TGM2: variants seen among roughly 807,000 people sequenced by gnomAD.
The protein encoded by TGM2 is protein-glutamine gamma-glutamyltransferase 2.
TGM2 carries 53 observed loss-of-function variants against 75.6 expected under a neutral mutation model. The observed-to-expected ratio is 0.70, with a 90% CI of 0.56 to 0.88. The LOEUF (loss-of-function observed/expected upper bound fraction) is 0.88. TGM2 is among the 40% of genes least tolerant of loss of function. The pLI, the probability that TGM2 is intolerant of heterozygous loss-of-function variation, is 0.00. For synonymous variants in TGM2, 374 were observed against 381.1 expected, an observed-to-expected ratio of 0.98 and a Z score of 0.22; for missense variants, 842 against 928.5, an observed-to-expected ratio of 0.91 and a Z score of 1.21.
intron 4 of TGM2, 144 bp from the exon 5 acceptor site, chr20:38,148,233 C>G: frequency 2.9e-6 from 3 of 1,044,670 alleles, no homozygotes; most frequent in Non-Finnish European, 4.3e-6. Context: ...CCAAATCTCT[C>G]TGGTGGCAGC....
Position 38,129,824 on chromosome 20 carries a change from C to G in TGM2, c.*395G>C. 1 of 227,740 alleles carries G rather than the reference C, an allele frequency of 4.4e-6. No individual in the cohort carries two copies. Among genetic ancestry groups the G allele is most frequent in the Non-Finnish European group, 8.9e-6 (1 of 112,668 alleles). The allele number at this position is 227,740 out of a possible 1,614,324, so 14.1% of individuals were successfully genotyped here. ...AGTCTAGGGAGCTGGATTCCCTGAT[C>G]CAGCCAAGGGGCATGCTGTCCCTTT... On this transcript the variant is annotated 3_prime_UTR_variant, in exon 13 of 13. Coordinates refer to ENST00000361475, the MANE Select transcript of TGM2 (RefSeq NM_004613.4).
At chr20:38,148,721 C>A (rs555246521) in intron 4 of TGM2, among the ~76,000 whole-genome samples, 1 of 152,338 alleles carries the variant, frequency 6.6e-6, no homozygotes, top group African/African-American at 2.4e-5. Flanking sequence ...CTCACTCTGC[C>A]CAGGCTCACT....
intron 12 of TGM2, 39 bp from the exon 13 acceptor site, chr20:38,130,408 G>A (rs368358912): frequency 5.1e-6 from 8 of 1,558,270 alleles, no homozygotes; most frequent in African/African-American, 4.1e-5. Flanking sequence ...AGGGGCCCAA[G>A]GCCTGGCTCC....
intron 6 of TGM2, 38 bp downstream of exon 6, chr20:38,146,678 TC>T (rs2075048874): frequency 6.2e-7 from 1 of 1,611,562 alleles, no homozygotes; most frequent in African/African-American, 1.3e-5. Context: ...TCGTGCCCCC[TC>T]CCAGGGCTCA....
At position 38,138,093 on chromosome 20, in the gene TGM2, C is replaced by T; in HGVS notation, c.1615+20G>A. 1.9e-6 allele frequency: 3 copies of T among 1,571,976 alleles called. No homozygotes were observed. The highest frequency in any genetic ancestry group is 2.6e-6 in the Non-Finnish European group (3 of 1,157,370). On this transcript the variant is annotated intron_variant, in intron 10 of 12. Coordinates refer to ENST00000361475, the MANE Select transcript of TGM2 (RefSeq NM_004613.4). ...TGTCAGTTGGCGGTCAACAAATGCTCCAGGAACACAGGGCTTTACCAGAGA... is the reference window on the plus strand; with the variant it reads ...TGTCAGTTGGCGGTCAACAAATGCTTCAGGAACACAGGGCTTTACCAGAGA...
Position 38,161,573 on chromosome 20 carries a change from C to G in TGM2, c.37G>C (p.Glu13Gln), listed in dbSNP as rs546290418. The change falls in exon 2 of 13, where the codon GAG becomes CAG. Residue 13 changes from glutamate (E) to glutamine (Q), a missense_variant. Physicochemically the swap from Glu to Gln is conservative, Grantham distance 29 (BLOSUM62 2). Transcript: ENST00000361475. ...TGGTCTCGGCCATTGGTCTCCAGCT[C>G]CAGATCACACCTCTCTAAGACCAGC... ...EELVLERCDL[E>Q]LETNGRDHHT... 20 of 1,614,068 alleles carry G rather than the reference C, an allele frequency of 1.2e-5. No individual in the cohort carries two copies. In the East Asian group the frequency reaches 4.5e-4, roughly 36 times the overall value.
intron 2 of TGM2, among the ~76,000 whole-genome samples, chr20:38,157,580 T>C (rs1417781203): frequency 6.6e-6 from 1 of 152,266 alleles, no homozygotes; most frequent in Non-Finnish European, 1.5e-5. Context: ...GACAAGTTAC[T>C]TAGCTTCTCT....
chr20:38,146,335 T>C (rs1368959600), intron 6 of TGM2: 2 of 360,352 alleles, frequency 5.6e-6, no homozygotes, highest in East Asian at 1.4e-4. Context: ...GGTCTTGATG[T>C]TGTCCCCATT....
rs199761502 is a variant in TGM2, at chr20:38,141,271, C to T, written c.1099+11G>A. On this transcript the variant is annotated intron_variant, in intron 8 of 12. Transcript: ENST00000361475. ...CCCATCTGTTTGACGCGACAGTGCC[C>T]GCCCACGCACCTTCGCTCTTCTCCT... 2.4e-5 allele frequency: 38 copies of T among 1,556,650 alleles called. No homozygotes were observed. Among genetic ancestry groups the T allele is most frequent in the East Asian group, 1.7e-4 (7 of 41,880 alleles).
At chr20:38,142,664 G>T (rs1281215841) in intron 6 of TGM2, among the ~76,000 whole-genome samples, 1 of 152,202 alleles carries the variant, frequency 6.6e-6, no homozygotes, top group Non-Finnish European at 1.5e-5. Context: ...AGCCAAGATT[G>T]CACCACTGCA....
rs1481804528 is a variant in TGM2, at chr20:38,135,010, G to A, written c.1616-2510C>T. Among the ~76,000 whole-genome samples the A allele has an allele frequency of 7.2e-5, 11 of 152,320 alleles. No individual in the cohort carries two copies. In the East Asian group the frequency reaches 2.1e-3, roughly 29 times the overall value. The stretch of plus-strand genomic sequence containing the variant: ...CTGTCCTCCCCTTCCTCTCCCTGAA[G>A]GCTATGTCTCCAGTGGATCCCCAAC... On this transcript the variant is annotated intron_variant, in intron 10 of 12. Coordinates refer to ENST00000361475, the MANE Select transcript of TGM2 (RefSeq NM_004613.4).
chr20:38,151,317 A>C (rs1367856761), intron 3 of TGM2, among the ~76,000 whole-genome samples: 1 of 152,222 alleles, frequency 6.6e-6, no homozygotes, highest in Non-Finnish European at 1.5e-5. Context: ...GACCTGTATT[A>C]ATAAATTTAA....
chr20:38,142,760 C>G (rs1422305661), intron 6 of TGM2, among the ~76,000 whole-genome samples: 1 of 152,240 alleles, frequency 6.6e-6, no homozygotes, highest in Admixed American at 6.5e-5. Flanking sequence ...ATCAATTGTC[C>G]TTGGTTCCCC....
At chr20:38,132,585 G>C (rs774003128) in intron 10 of TGM2, 85 bp from the exon 11 acceptor site, 91 of 1,559,950 alleles carry the variant, frequency 5.8e-5, no homozygotes, top group Middle Eastern at 1.7e-4. Context: ...ACAGAGAGGG[G>C]AAGGAATGTG....
chr20:38,135,165 T>C (rs550425423), intron 10 of TGM2, among the ~76,000 whole-genome samples: 1 of 152,338 alleles, frequency 6.6e-6, no homozygotes, highest in South Asian at 2.1e-4. Context: ...AGGTGAGGGC[T>C]GACTCCACAG....
chr20:38,153,524 C>CA (rs1231793414), intron 3 of TGM2, among the ~76,000 whole-genome samples: 17 of 63,810 alleles, frequency 2.7e-4, no homozygotes, highest in South Asian at 1.6e-3. Flanking sequence ...GCCTTGGTCT[C>CA]AAAAAAAAGA....
intron 4 of TGM2, among the ~76,000 whole-genome samples, chr20:38,149,588 AGAAT>A (rs1432984598): frequency 6.7e-6 from 1 of 150,214 alleles, no homozygotes; most frequent in Non-Finnish European, 1.5e-5. Context: ...CTGAAGCAGG[AGAAT>A]GGCGTGAACC....
At chr20:38,162,436 C>A (rs2075265864) in intron 1 of TGM2, among the ~76,000 whole-genome samples, 1 of 152,038 alleles carries the variant, frequency 6.6e-6, no homozygotes, top group Non-Finnish European at 1.5e-5. Flanking sequence ...AAACACAGAA[C>A]CAGGATGCAG....
At chr20:38,133,134 A>G (rs1474977130) in intron 10 of TGM2, 4 of 306,100 alleles carry the variant, frequency 1.3e-5, no homozygotes, top group South Asian at 9.1e-5. Context: ...CTAATAATCC[A>G]GATCTTAGAG....
Sources: gnomAD v4.1 joint callset for allele counts (sites outside exome capture counted in the v4.1 genomes callset) on GRCh38, gnomAD v4.1.1 for gene constraint, MANE v1.5 for transcripts, NCBI Gene and HGNC (gene_info 2026-07-23, HGNC 2026-07-21) for gene names.